Variants in ABL1 observed in about 807,000 individuals in gnomAD.
ABL1 encodes tyrosine-protein kinase ABL1.
Under a neutral mutation model 94.7 loss-of-function variants are expected in ABL1, and 11 were observed. The ratio of observed to expected loss-of-function variants is 0.12; its 90% confidence interval spans 0.07 to 0.19. ABL1 has a LOEUF of 0.19. Among genes scored for constraint, ABL1 ranks in the 10% least tolerant of loss-of-function variants. ABL1 has a pLI of 1.00. For missense variants in ABL1, 1,082 were observed against 1,489.4 expected, an observed-to-expected ratio of 0.73 and a Z score of 4.50; for synonymous variants, 656 against 622.4, an observed-to-expected ratio of 1.05 and a Z score of -0.80.
intron 7 of ABL1, among the ~76,000 whole-genome samples, chr9:130,876,647 CT>C (rs977380172): frequency 9.3e-5 from 14 of 151,228 alleles, no homozygotes; most frequent in Non-Finnish European, 5.9e-5. Context: ...CCTTGAACTT[CT>C]GAGCTCAGGC....
Position 130,885,598 on chromosome 9 carries a change from C to T in ABL1, c.3308C>T (p.Thr1103Ile). 1 of 1,613,634 alleles carries T rather than the reference C, an allele frequency of 6.2e-7. No individual in the cohort carries two copies. The highest frequency in any genetic ancestry group is 2.2e-5 in the East Asian group (1 of 44,882). The part of the protein sequence containing the change: ...NLRELQICPA[T>I]AGSGPAATQD... Reference sequence around the variant, plus strand: ...CGGGAGCTTCAGATCTGCCCGGCGACAGCAGGCAGTGGTCCAGCGGCCACT... The same window carrying T: ...CGGGAGCTTCAGATCTGCCCGGCGATAGCAGGCAGTGGTCCAGCGGCCACT... The change falls in exon 11 of 11, where the codon ACA (threonine) becomes ATA (isoleucine). Residue 1103 changes from threonine to isoleucine, a missense_variant. Thr to Ile is a moderately conservative substitution (Grantham distance 89). Transcript: ENST00000318560.
intron 1 of ABL1, among the ~76,000 whole-genome samples, chr9:130,753,029 G>A (rs905251231): frequency 3.9e-5 from 6 of 152,022 alleles, no homozygotes; most frequent in Admixed American, 2.6e-4. Context: ...GGCTGAGGCG[G>A]GTGGATCACG....
chr9:130,760,411 C>T lies in ABL1; in HGVS notation c.136+45956C>T, dbSNP rs557398895. 3.3e-4 allele frequency among the ~76,000 whole-genome samples: 51 copies of T among 152,242 alleles called. No homozygotes were observed. The South Asian group carries it at 0.01, about 31-fold the overall frequency. Reference sequence around the variant, plus strand: ...GATTGAAACAAGAAATCTGTTGTTCCTGGATTTCTTTCAGTTATCTTAACA... The same window carrying T: ...GATTGAAACAAGAAATCTGTTGTTCTTGGATTTCTTTCAGTTATCTTAACA... On this transcript the variant is annotated intron_variant, in intron 1 of 10. Transcript: ENST00000372348.
At chr9:130,850,169 A>G (rs1830833661) in intron 1 of ABL1, among the ~76,000 whole-genome samples, 1 of 152,244 alleles carries the variant, frequency 6.6e-6, no homozygotes, top group African/African-American at 2.4e-5. Context: ...TCTTTCAGAT[A>G]TAGCTGTTGT....
At chr9:130,780,381 C>T (rs780217900) in intron 1 of ABL1, among the ~76,000 whole-genome samples, 9 of 152,142 alleles carry the variant, frequency 5.9e-5, no homozygotes, top group East Asian at 3.9e-4. Flanking sequence ...AGAAGCCATA[C>T]GGTGAACCAG....
At chr9:130,741,917 G>A (rs1375082128) in intron 1 of ABL1, among the ~76,000 whole-genome samples, 1 of 152,208 alleles carries the variant, frequency 6.6e-6, no homozygotes, top group Non-Finnish European at 1.5e-5. Flanking sequence ...GTTGGGATTG[G>A]TGAGTGCCAC....
chr9:130,843,963 C>T (rs969454788), intron 1 of ABL1, among the ~76,000 whole-genome samples: 6 of 151,992 alleles, frequency 3.9e-5, no homozygotes, highest in Non-Finnish European at 7.4e-5. Context: ...TTTTTGAGGG[C>T]CTGTGCATGC....
In ABL1 at chr9:130,872,265, T is replaced by C; in HGVS notation, c.907+52T>C. On this transcript the variant is annotated intron_variant, in intron 5 of 10. Transcript: ENST00000318560. The surrounding 1 kb of genome is among the most constrained non-coding windows in gnomAD (Gnocchi z 5.0). ...AGGGTCTCGCGCCGCACCCCCAGGG[T>C]GACACAGGCGCTGGGGAAGACGCAC... The C allele has an allele frequency of 6.5e-7, 1 of 1,539,562 alleles. No homozygotes were observed. The highest frequency in any genetic ancestry group is 8.9e-7 in the Non-Finnish European group (1 of 1,119,166).
rs550413511 is a variant in ABL1 at position 130,735,561 on chromosome 9, A to G, written c.136+21106A>G. Among the ~76,000 whole-genome samples the G allele has an allele frequency of 2.6e-5, 4 of 151,912 alleles. No individual in the cohort carries two copies. In the South Asian group the frequency reaches 6.2e-4, roughly 24 times the overall value. ...TTACACAAAAGATAGCATACAGTAT[A>G]TACCGTTCTGTACCTTCTTTTTTGT... On this transcript the variant is annotated intron_variant, in intron 1 of 10. Coordinates refer to the ABL1 transcript ENST00000372348.
chr9:130,758,624 G>T (rs1832071578), intron 1 of ABL1, among the ~76,000 whole-genome samples: 1 of 152,034 alleles, frequency 6.6e-6, no homozygotes. Context: ...GTAGAGACGG[G>T]GTTTTGCCAT....
Position 130,872,050 on chromosome 9 carries a change from T to G in ABL1, c.823-79T>G. ...GACGAGTATGCGCTGAAGCTCCATT[T>G]TGCATTAACTAGTCAAGTACTTACC... On this transcript the variant is annotated intron_variant, in intron 4 of 10. Transcript: ENST00000318560. The surrounding 1 kb of genome is among the most constrained non-coding windows in gnomAD (Gnocchi z 5.0). 1 of 1,303,842 alleles carries G rather than the reference T, an allele frequency of 7.7e-7. No individual in the cohort carries two copies. The highest frequency in any genetic ancestry group is 1.1e-6 in the Non-Finnish European group (1 of 912,312). 80.8% of individuals were successfully genotyped at this position (1,303,842 alleles called of 1,614,324 possible). A position where few individuals can be genotyped will look rare whatever the true frequency, so the allele number is the denominator to read the frequency against.
intron 4 of ABL1, among the ~76,000 whole-genome samples, chr9:130,866,019 A>G (rs1008630312): frequency 5.9e-5 from 9 of 152,144 alleles, no homozygotes; most frequent in Non-Finnish European, 1.3e-4. Context: ...AACATTTCAG[A>G]TTTTGGATTT....
intron 1 of ABL1, among the ~76,000 whole-genome samples, chr9:130,723,799 ATTTTTTAACTTTTTTTTAACTTTTTTT>A (rs1831544641): frequency 6.6e-6 from 1 of 151,712 alleles, no homozygotes; most frequent in Non-Finnish European, 1.5e-5. Context: ...TTTGTTTTTT[ATTTTTTAACTTTTTTTTAACTTTTTTT>A]TTTGAGATGG....
chr9:130,836,226 G>C (rs1297824010), intron 1 of ABL1, among the ~76,000 whole-genome samples: 4 of 152,152 alleles, frequency 2.6e-5, no homozygotes, highest in Non-Finnish European at 5.9e-5. Flanking sequence ...TGTCATGTTC[G>C]TTTCCTTAAG....
intron 1 of ABL1, among the ~76,000 whole-genome samples, chr9:130,795,176 C>T (rs921707263): frequency 6.6e-6 from 1 of 152,104 alleles, no homozygotes; most frequent in African/African-American, 2.4e-5. Context: ...CTGCTCCTTG[C>T]CTTGAGGTCC....
At chr9:130,875,315 G>T (rs931693217) in intron 7 of ABL1, among the ~76,000 whole-genome samples, 1 of 151,876 alleles carries the variant, frequency 6.6e-6, no homozygotes, top group Non-Finnish European at 1.5e-5. Flanking sequence ...CTAATTTTTG[G>T]TATTTTTAGT....
intron 1 of ABL1, among the ~76,000 whole-genome samples, chr9:130,836,689 G>T (rs549606445): frequency 2.0e-5 from 3 of 152,144 alleles, no homozygotes; most frequent in East Asian, 3.9e-4. Context: ...GCCGGGCGTG[G>T]TGGTACACGC....
intron 1 of ABL1, chr9:130,725,054 C>T: frequency 4.9e-6 from 1 of 204,488 alleles, no homozygotes; most frequent in South Asian, 7.6e-5. Context: ...TTGTCATCTC[C>T]CTTCTGTGTT....
chr9:130,782,817 A>T lies in ABL1; in HGVS notation c.136+68362A>T, dbSNP rs1009717447. On this transcript the variant is annotated intron_variant, in intron 1 of 10. Transcript: ENST00000372348. ...TCCCTGAGGATGTTGGGAAGGACAGATTGTACTTACCAAGAGCATTTATTG... is the reference window on the plus strand; with the variant it reads ...TCCCTGAGGATGTTGGGAAGGACAGTTTGTACTTACCAAGAGCATTTATTG... Among the ~76,000 whole-genome samples the T allele has an allele frequency of 2.6e-5, 4 of 152,212 alleles. No homozygotes were observed. In the East Asian group the frequency reaches 7.7e-4, roughly 29 times the overall value.
Sources: gnomAD v4.1 joint callset for allele counts (sites outside exome capture counted in the v4.1 genomes callset) on GRCh38, gnomAD v4.1.1 for gene constraint, Gnocchi (gnomAD v3.1) non-coding constraint, MANE v1.5 for transcripts, NCBI Gene and HGNC (gene_info 2026-07-23, HGNC 2026-07-21) for gene names.